The following CNTN5 variants were observed in gnomAD, a reference collection of about 807,000 sequenced individuals.
The protein encoded by CNTN5 is contactin-5.
CNTN5 carries 77 observed loss-of-function variants against 129.1 expected under a neutral mutation model. The ratio of observed to expected loss-of-function variants is 0.60; its 90% CI spans 0.50 to 0.72. The LOEUF (loss-of-function observed/expected upper bound fraction) is 0.72. Ranked by LOEUF, CNTN5 falls within the 30% of genes least tolerant of loss-of-function variation. The probability of loss-of-function intolerance (pLI) is 0.00; values close to 1 mark genes in which losing one functional copy is unlikely to be tolerated. For missense variants in CNTN5, 1,478 were observed against 1,328.8 expected, an observed-to-expected ratio of 1.11 and a Z score of -1.75; for synonymous variants, 509 against 465.6, an observed-to-expected ratio of 1.09 and a Z score of -1.20.
chr11:99,251,184 A>G (rs948108458), intron 1 of CNTN5, among the ~76,000 whole-genome samples: 3 of 151,950 alleles, frequency 2.0e-5, no homozygotes, highest in Non-Finnish European at 4.4e-5. Context: ...CAATTCAAAG[A>G]AAACAGGTTA....
rs568751318 is a variant in CNTN5 at position 100,015,178 on chromosome 11, C to T, written c.980+13042C>T. On this transcript the variant is annotated intron_variant, in intron 9 of 24. Coordinates refer to ENST00000524871, the MANE Select transcript of CNTN5 (RefSeq NM_014361.4). The stretch of plus-strand genomic sequence containing the variant: ...ACGAATAAACCAATATATTAAAAAA[C>T]GTATAAGCCTGAGACTAAACATGTC... Among the ~76,000 whole-genome samples, 27 of 152,188 alleles carry T rather than the reference C, an allele frequency of 1.8e-4. No individual in the cohort carries two copies. The East Asian group carries it at 3.1e-3, about 17-fold the overall frequency.
At chr11:100,064,222 G>A (rs1412390330) in intron 10 of CNTN5, among the ~76,000 whole-genome samples, 2 of 152,150 alleles carry the variant, frequency 1.3e-5, no homozygotes, top group Non-Finnish European at 2.9e-5. Context: ...GTAGCACATT[G>A]TTTTTGAAAG....
chr11:99,450,805 G>A (rs67300778), intron 2 of CNTN5, among the ~76,000 whole-genome samples: 25,675 of 125,638 alleles, frequency 0.2, 2,440 homozygotes, highest in Middle Eastern at 0.41. Flanking sequence ...TTCTGCACAT[G>A]TCTGAAAGGG....
intron 2 of CNTN5, among the ~76,000 whole-genome samples, chr11:99,383,985 A>G (rs1432076023): frequency 6.6e-6 from 1 of 152,178 alleles, no homozygotes; most frequent in Non-Finnish European, 1.5e-5. Flanking sequence ...TATTAAAAAG[A>G]CCAGGAGGGT....
chr11:99,645,817 C>T (rs597615), intron 3 of CNTN5, among the ~76,000 whole-genome samples: 32,612 of 151,654 alleles, frequency 0.22, 4,107 homozygotes, highest in Middle Eastern at 0.34. Context: ...GCTAGGGGAG[C>T]GAGAGCATTA....
At chr11:100,199,819 G>A (rs995380876) in intron 15 of CNTN5, among the ~76,000 whole-genome samples, 4 of 151,778 alleles carry the variant, frequency 2.6e-5, no homozygotes, top group African/African-American at 9.7e-5. Context: ...AAACTGCAGG[G>A]ATCCTAAAAG....
chr11:99,228,543 C>T (rs1177129002), intron 1 of CNTN5, among the ~76,000 whole-genome samples: 1 of 151,988 alleles, frequency 6.6e-6, no homozygotes, highest in East Asian at 1.9e-4. Context: ...CCCTAAATAC[C>T]TTGAATCGAT....
intron 13 of CNTN5, among the ~76,000 whole-genome samples, chr11:100,167,136 C>A (rs1401316599): frequency 1.3e-5 from 2 of 151,742 alleles, no homozygotes; most frequent in Middle Eastern, 3.4e-3. Flanking sequence ...CTTCCAAACC[C>A]CGCCCCCAAA....
chr11:100,080,283 G>A (rs1254621607), intron 13 of CNTN5, among the ~76,000 whole-genome samples: 1 of 151,740 alleles, frequency 6.6e-6, no homozygotes, highest in East Asian at 1.9e-4. Flanking sequence ...TCCTATGGAG[G>A]TGCAGTATTA....
intron 3 of CNTN5, among the ~76,000 whole-genome samples, chr11:99,719,010 A>T (rs989706683): frequency 6.6e-6 from 1 of 152,132 alleles, no homozygotes; most frequent in Non-Finnish European, 1.5e-5. Flanking sequence ...AAGAAAAAGT[A>T]AGGAATAATA....
chr11:99,524,538 G>A (rs1947412393), intron 2 of CNTN5, among the ~76,000 whole-genome samples: 1 of 152,088 alleles, frequency 6.6e-6, no homozygotes, highest in African/African-American at 2.4e-5. Flanking sequence ...TAGGCCGAGA[G>A]CAGTGGCTCA....
chr11:99,500,990 G>T (rs777477027), intron 2 of CNTN5, among the ~76,000 whole-genome samples: 20 of 152,168 alleles, frequency 1.3e-4, no homozygotes, highest in Non-Finnish European at 2.4e-4. Context: ...TGTGCACAGT[G>T]AAGATCCTTG....
At chr11:100,026,379 A>C (rs1484191395) in intron 9 of CNTN5, among the ~76,000 whole-genome samples, 1 of 152,162 alleles carries the variant, frequency 6.6e-6, no homozygotes, top group Non-Finnish European at 1.5e-5. Flanking sequence ...AGTTCTTTAT[A>C]GCACTGTGAG....
intron 6 of CNTN5, among the ~76,000 whole-genome samples, 172 bp downstream of exon 6, chr11:99,845,434 G>A (rs1034172231): frequency 1.1e-4 from 16 of 141,258 alleles, no homozygotes; most frequent in East Asian, 4.2e-4. Flanking sequence ...GTGCAGTGGC[G>A]GGATCTCGGC....
intron 13 of CNTN5, among the ~76,000 whole-genome samples, chr11:100,170,173 C>T (rs751115462): frequency 1.1e-4 from 17 of 151,968 alleles, no homozygotes; most frequent in Admixed American, 5.3e-4. Flanking sequence ...TTTAACATTT[C>T]TAATTCTCAC....
At chr11:99,512,546 G>A (rs935939097) in intron 2 of CNTN5, among the ~76,000 whole-genome samples, 1 of 152,240 alleles carries the variant, frequency 6.6e-6, no homozygotes, top group Admixed American at 6.5e-5. Context: ...GTGAAGGCTC[G>A]TGGAAACCCT....
intron 18 of CNTN5, among the ~76,000 whole-genome samples, chr11:100,277,594 T>C (rs1249669845): frequency 6.6e-6 from 1 of 152,176 alleles, no homozygotes; most frequent in Non-Finnish European, 1.5e-5. Context: ...CACATTTTCA[T>C]ATGCTCAGAC....
intron 3 of CNTN5, among the ~76,000 whole-genome samples, chr11:99,581,799 T>C (rs887725968): frequency 6.6e-6 from 1 of 152,256 alleles, no homozygotes; most frequent in Non-Finnish European, 1.5e-5. Context: ...TCTGTGCCTT[T>C]TAATTGGAGC....
chr11:99,965,794 G>C (rs531099025), intron 8 of CNTN5, among the ~76,000 whole-genome samples: 44 of 152,232 alleles, frequency 2.9e-4, no homozygotes, highest in African/African-American at 9.9e-4. Flanking sequence ...GGGAGTCTAA[G>C]TCTCTTTCTA....
Sources: gnomAD v4.1 joint callset for allele counts (sites outside exome capture counted in the v4.1 genomes callset) on GRCh38, gnomAD v4.1.1 for gene constraint, MANE v1.5 for transcripts, NCBI Gene and HGNC (gene_info 2026-07-23, HGNC 2026-07-21) for gene names.